The following NRXN3 variants were observed in gnomAD, a reference collection of about 807,000 sequenced individuals.
The protein encoded by NRXN3 is neurexin III.
A neutral mutation model predicts 137.6 loss-of-function variants in NRXN3; 32 were observed. The ratio of observed to expected loss-of-function variants is 0.23; its 90% CI spans 0.18 to 0.31. The LOEUF is 0.31. Among genes scored for constraint, NRXN3 ranks in the 10% least tolerant of loss-of-function variants. The pLI is 1.00. For synonymous variants in NRXN3, 798 were observed against 784.5 expected, an observed-to-expected ratio of 1.02 and a Z score of -0.29; for missense variants, 1,574 against 2,062.5, an observed-to-expected ratio of 0.76 and a Z score of 4.59.
At chr14:79,715,161 G>T (rs1180286765) in intron 19 of NRXN3, among the ~76,000 whole-genome samples, 1 of 152,094 alleles carries the variant, frequency 6.6e-6, no homozygotes, top group African/African-American at 2.4e-5. Context: ...CACCGTGTTA[G>T]CCAGGATGGT....
intron 16 of NRXN3, among the ~76,000 whole-genome samples, chr14:79,631,833 T>A (rs1367237476): frequency 6.6e-6 from 1 of 151,182 alleles, no homozygotes; most frequent in African/African-American, 2.4e-5. Context: ...GGTAGGGGAC[T>A]TGGAGACCTT....
chr14:79,719,530 CT>C (rs889131792), intron 19 of NRXN3, among the ~76,000 whole-genome samples: 6 of 151,934 alleles, frequency 3.9e-5, no homozygotes, highest in African/African-American at 1.5e-4. Flanking sequence ...CACTCTTTCA[CT>C]TCCCCATATG....
intron 4 of NRXN3, among the ~76,000 whole-genome samples, chr14:78,464,476 G>A (rs1028287100): frequency 1.4e-4 from 22 of 152,192 alleles, no homozygotes; most frequent in African/African-American, 5.3e-4. Context: ...GAATTCAGAA[G>A]TCATTACTGT....
At chr14:79,132,776 A>T (rs2653544) in intron 15 of NRXN3, among the ~76,000 whole-genome samples, 4 of 152,168 alleles carry the variant, frequency 2.6e-5, no homozygotes. Flanking sequence ...CATGCCACAT[A>T]ATTTTTAAGG....
At chr14:79,075,942 G>T (rs144586104) in intron 15 of NRXN3, among the ~76,000 whole-genome samples, 622 of 152,294 alleles carry the variant, frequency 4.1e-3, no homozygotes, top group Admixed American at 6.0e-3. Flanking sequence ...TGTTAGCTAA[G>T]ATGTGATCAA....
At chr14:79,730,660 T>G (rs544564105) in intron 19 of NRXN3, among the ~76,000 whole-genome samples, 1 of 152,180 alleles carries the variant, frequency 6.6e-6, no homozygotes, top group African/African-American at 2.4e-5. Context: ...ACCAAAAAAA[T>G]TGAGTTGTAG....
intron 15 of NRXN3, among the ~76,000 whole-genome samples, chr14:79,435,593 T>TACACAC (rs35554281): frequency 0.36 from 51,177 of 143,624 alleles, 9,500 homozygotes; most frequent in Non-Finnish European, 0.42. Flanking sequence ...AACACTAAGA[T>TACACAC]ACACACACAC....
chr14:78,331,605 A>G (rs1028311829), intron 4 of NRXN3, among the ~76,000 whole-genome samples: 2 of 152,206 alleles, frequency 1.3e-5, no homozygotes, highest in African/African-American at 2.4e-5. Context: ...GTTGAATATA[A>G]TCCAGAAAAT....
At chr14:79,598,065 T>TAAAGCATGGAAG (rs1256856662) in intron 16 of NRXN3, among the ~76,000 whole-genome samples, 4 of 152,144 alleles carry the variant, frequency 2.6e-5, no homozygotes, top group African/African-American at 9.7e-5. Flanking sequence ...AACAAGAAAG[T>TAAAGCATGGAAG]AAAGCATGGA....
chr14:78,252,122 A>G (rs532876066), intron 2 of NRXN3, among the ~76,000 whole-genome samples: 39 of 151,968 alleles, frequency 2.6e-4, no homozygotes, highest in African/African-American at 8.9e-4. Flanking sequence ...TGTGGCCACA[A>G]TGTTCCTAAA....
intron 14 of NRXN3, among the ~76,000 whole-genome samples, chr14:78,977,369 T>G (rs185705037): frequency 6.6e-6 from 1 of 152,276 alleles, no homozygotes; most frequent in East Asian, 1.9e-4. Context: ...CCTCTTTTTT[T>G]GTTGTTGTTG....
intron 16 of NRXN3, among the ~76,000 whole-genome samples, chr14:79,645,581 C>G (rs938315975): frequency 3.1e-5 from 4 of 127,590 alleles, no homozygotes; most frequent in African/African-American, 1.0e-4. Flanking sequence ...CGCCACTGCA[C>G]TCCAGCTTGG....
intron 16 of NRXN3, among the ~76,000 whole-genome samples, chr14:79,627,168 T>G (rs112400472): frequency 1.1e-4 from 17 of 152,324 alleles, no homozygotes; most frequent in African/African-American, 4.1e-4. Flanking sequence ...ACCAGTTGAA[T>G]AGTGATAGAA....
intron 17 of NRXN3, among the ~76,000 whole-genome samples, chr14:79,667,658 A>C (rs1332022293): frequency 1.3e-5 from 2 of 152,100 alleles, no homozygotes; most frequent in Non-Finnish European, 2.9e-5. Flanking sequence ...CTTTCTTTGA[A>C]CCTGAAAATA....
intron 4 of NRXN3, among the ~76,000 whole-genome samples, chr14:78,600,442 AC>A (rs2097193307): frequency 6.6e-6 from 1 of 152,178 alleles, no homozygotes; most frequent in Non-Finnish European, 1.5e-5. Flanking sequence ...CAATGTTTGT[AC>A]CTAATTACAG....
intron 8 of NRXN3, among the ~76,000 whole-genome samples, chr14:78,781,623 C>G (rs1304214072): frequency 6.6e-6 from 1 of 152,050 alleles, no homozygotes; most frequent in East Asian, 1.9e-4. Context: ...GACATTCAGC[C>G]TCATTGAGAA....
At chr14:79,306,455 A>G (rs2086082980) in intron 15 of NRXN3, among the ~76,000 whole-genome samples, 1 of 152,114 alleles carries the variant, frequency 6.6e-6, no homozygotes, top group Non-Finnish European at 1.5e-5. Flanking sequence ...TCTTTGTAAT[A>G]TACTCACCTA....
intron 10 of NRXN3, among the ~76,000 whole-genome samples, chr14:78,930,639 C>T (rs895929971): frequency 1.3e-5 from 2 of 152,070 alleles, no homozygotes; most frequent in Non-Finnish European, 2.9e-5. Flanking sequence ...CTTTTATCTG[C>T]GCTGAAGGTG....
intron 4 of NRXN3, among the ~76,000 whole-genome samples, chr14:78,551,047 C>T (rs141147827): frequency 2.0e-4 from 31 of 152,258 alleles, no homozygotes; most frequent in Non-Finnish European, 4.4e-4. Context: ...ATAAGGGATA[C>T]AAGACCTTTC....
Sources: gnomAD v4.1 joint callset for allele counts (sites outside exome capture counted in the v4.1 genomes callset) on GRCh38, gnomAD v4.1.1 for gene constraint, MANE v1.5 for transcripts, NCBI Gene and HGNC (gene_info 2026-07-23, HGNC 2026-07-21) for gene names.